The following GAN variants were observed in gnomAD, a reference collection of about 807,000 sequenced individuals.
GAN encodes the protein epididymis secretory sperm binding protein.
Under a neutral mutation model 71.3 loss-of-function variants are expected in GAN, and 48 were observed. That is an observed-to-expected ratio of 0.67 (90% CI 0.53 to 0.86). GAN has a LOEUF of 0.86. Ranked by LOEUF, GAN falls within the 40% of genes least tolerant of loss-of-function variation. The pLI is 0.00. For missense variants in GAN, 928 were observed against 770.1 expected (o/e 1.21, Z -2.43); for synonymous variants, 386 against 276.8 (o/e 1.39, Z -3.92).
rs533585440 is a variant in GAN, at chr16:81,324,906, G to C, written c.167+9626G>C. Among the ~76,000 whole-genome samples the C allele has an allele frequency of 4.1e-4, 62 of 152,338 alleles. No individual in the cohort carries two copies. In the South Asian group the frequency reaches 8.3e-3, roughly 20 times the overall value. On this transcript the variant is annotated intron_variant, in intron 1 of 10. Transcript: ENST00000648994. ...TTTCAGCAGGTGCTGCAGTTGTTCA[G>C]ATGGAAAGTGGGATGCCCTGGGCCA...
At chr16:81,346,424 G>A (rs1247731934) in intron 1 of GAN, among the ~76,000 whole-genome samples, 1 of 151,972 alleles carries the variant, frequency 6.6e-6, no homozygotes, top group Non-Finnish European at 1.5e-5. Flanking sequence ...GCCACACAGT[G>A]GGAGGTGAGG....
rs778653431 is a variant in GAN, at chr16:81,315,193, C to G, written c.80C>G (p.Ser27Cys). The change falls in exon 1 of 11, where the codon TCT becomes TGT. Residue 27 changes from serine to cysteine, a missense_variant. Physicochemically the swap from Ser to Cys is moderately radical, Grantham distance 112 (BLOSUM62 -1). Coordinates refer to ENST00000648994, the MANE Select transcript of GAN (RefSeq NM_022041.4). ...GCGCTCAGCTCTTTCCGCGAGGAGT[C>G]TCGCTTCTGCGACGCGCACCTGGTC... ...LRALSSFREE[S>C]RFCDAHLVLD... The G allele has an allele frequency of 1.8e-5, 29 of 1,576,974 alleles. No homozygotes were observed. The highest frequency in any genetic ancestry group is 5.4e-5 in the Admixed American group (3 of 55,830).
At position 81,384,693 on chromosome 16, in the gene GAN, G is replaced by A. The variant is rs1393002509; in HGVS notation, c.*7097G>A. ...GTTTCCTCAGTGCAGAGTTGAGGTT[G>A]GCAGAACTATATAGAGTTGGATGAT... On this transcript the variant is annotated 3_prime_UTR_variant, in exon 11 of 11. Coordinates refer to ENST00000648994, the MANE Select transcript of GAN (RefSeq NM_022041.4). 1 of 152,156 alleles carries A rather than the reference G, an allele frequency of 6.6e-6. No homozygotes were observed. The highest frequency in any genetic ancestry group is 1.5e-5 in the Non-Finnish European group (1 of 68,034). The allele number at this position is 152,156 out of a possible 1,614,324, so 9.4% of individuals were successfully genotyped here. A position where few individuals can be genotyped will look rare whatever the true frequency, so the allele number is the denominator to read the frequency against.
chr16:81,365,470 G>C lies in GAN; in HGVS notation c.1494G>C (p.Glu498Asp), dbSNP rs755423556. The C allele has an allele frequency of 1.9e-6, 3 of 1,613,452 alleles. No individual in the cohort carries two copies. Among genetic ancestry groups the C allele is most frequent in the Non-Finnish European group, 2.5e-6 (3 of 1,179,858 alleles). ...GCAAGTCCGAGTTCTACCATGATGA[G>C]TTTAAAAGGTAACTAAGAATGGTTT... ...VTCKSEFYHD[E>D]FKRWIYLNDQ... The change falls in exon 9 of 11, where the codon GAG becomes GAC. Residue 498 changes from glutamate to aspartate, a missense_variant. Transcript: ENST00000648994.
At chr16:81,345,578 G>A (rs1176714669) in intron 1 of GAN, among the ~76,000 whole-genome samples, 3 of 152,014 alleles carry the variant, frequency 2.0e-5, no homozygotes, top group East Asian at 1.9e-4. Flanking sequence ...GGGGAACATC[G>A]CACACTGGGG....
chr16:81,376,381 A>C (rs1183030313), intron 9 of GAN, among the ~76,000 whole-genome samples: 2 of 151,434 alleles, frequency 1.3e-5, no homozygotes, highest in African/African-American at 4.9e-5. Flanking sequence ...GCATTTTAGG[A>C]TGCTGAGGTG....
chr16:81,352,546 C>T lies in GAN; in HGVS notation c.282+849C>T, dbSNP rs554427582. The stretch of plus-strand genomic sequence containing the variant: ...CTGAGATCTTGTTCCCTACTCTCTC[C>T]TTTATTCTTTCTTTATCCCTCTTGT... On this transcript the variant is annotated intron_variant, in intron 2 of 10. Coordinates refer to ENST00000648994, the MANE Select transcript of GAN (RefSeq NM_022041.4). 1.7e-3 allele frequency among the ~76,000 whole-genome samples: 259 copies of T among 152,218 alleles called. 1 individual carries two copies. Among genetic ancestry groups the T allele is most frequent in the African/African-American group, 5.8e-3 (239 of 41,536 alleles).
At chr16:81,324,518 C>T (rs1246917482) in intron 1 of GAN, among the ~76,000 whole-genome samples, 1 of 152,104 alleles carries the variant, frequency 6.6e-6, no homozygotes, top group African/African-American at 2.4e-5. Flanking sequence ...GAACAGAACA[C>T]CACATACCTG....
Position 81,386,012 on chromosome 16 carries a change from A to G in GAN, c.*8416A>G, listed in dbSNP as rs1904390492. 6.6e-6 allele frequency: 1 copy of G among 152,112 alleles called. No homozygotes were observed. 9.4% of individuals were successfully genotyped at this position (152,112 alleles called of 1,614,324 possible). On this transcript the variant is annotated 3_prime_UTR_variant, in exon 11 of 11. Coordinates refer to ENST00000648994, the MANE Select transcript of GAN (RefSeq NM_022041.4). ...GCAATCCGCCTGCCTCAACCTCCCA[A>G]AGTGCTGGGATTACAGGTGTGAGCA... is the stretch of plus-strand genomic sequence containing the variant.
At chr16:81,355,802 A>G (rs995169443) in intron 3 of GAN, among the ~76,000 whole-genome samples, 2 of 152,198 alleles carry the variant, frequency 1.3e-5, no homozygotes, top group East Asian at 1.9e-4. Context: ...GTAAGTTAAA[A>G]CTGGACTGTT....
At chr16:81,355,135 C>T (rs757796790) in intron 3 of GAN, among the ~76,000 whole-genome samples, 1 of 152,182 alleles carries the variant, frequency 6.6e-6, no homozygotes, top group Non-Finnish European at 1.5e-5. Context: ...GTGCCTGCAG[C>T]AGGCAGGGGG....
intron 10 of GAN, 23 bp from the exon 11 acceptor site, chr16:81,377,392 C>G: frequency 6.2e-7 from 1 of 1,610,666 alleles, no homozygotes; most frequent in South Asian, 1.1e-5. Context: ...ATTTTCTCAC[C>G]CTTGCTTATT....
intron 9 of GAN, among the ~76,000 whole-genome samples, chr16:81,370,297 G>C (rs1910997991): frequency 6.6e-6 from 1 of 152,174 alleles, no homozygotes; most frequent in Non-Finnish European, 1.5e-5. Flanking sequence ...GCCTTTGTAA[G>C]ACGTGTGAAC....
At chr16:81,375,243 G>C (rs1265952576) in intron 9 of GAN, among the ~76,000 whole-genome samples, 1 of 144,576 alleles carries the variant, frequency 6.9e-6, no homozygotes, top group Non-Finnish European at 1.5e-5. Context: ...AGGATATAAA[G>C]AATCTGACAA....
At chr16:81,330,862 C>G (rs1166379968) in intron 1 of GAN, among the ~76,000 whole-genome samples, 1 of 152,172 alleles carries the variant, frequency 6.6e-6, no homozygotes, top group African/African-American at 2.4e-5. Flanking sequence ...CTGCCTGATA[C>G]GATATTTCCG....
intron 1 of GAN, among the ~76,000 whole-genome samples, chr16:81,318,911 A>C (rs959739619): frequency 1.3e-5 from 2 of 152,188 alleles, no homozygotes; most frequent in African/African-American, 4.8e-5. Flanking sequence ...CCCTCAGCTC[A>C]GTAAATGGCA....
chr16:81,377,623 C>T lies in GAN; in HGVS notation c.*27C>T. The T allele has an allele frequency of 6.2e-7, 1 of 1,601,096 alleles. No homozygotes were observed. The highest frequency in any genetic ancestry group is 1.1e-5 in the South Asian group (1 of 90,792). On this transcript the variant is annotated 3_prime_UTR_variant, in exon 11 of 11. Transcript: ENST00000648994. ...GAGGAAGCAGAGCAGAGTGCGAGAT[C>T]CTGACCCAAGAGCACCATAACATAG...
Position 81,365,109 on chromosome 16 carries a change from A to AG in GAN, c.1373+1dup, listed in dbSNP as rs1226812712. 6.2e-7 allele frequency: 1 copy of AG among 1,613,640 alleles called. No homozygotes were observed. Among genetic ancestry groups the AG allele is most frequent in the Admixed American group, 1.7e-5 (1 of 60,018 alleles). On this transcript the variant is annotated frameshift_variant and splice_region_variant, in exon 8 of 11. Coordinates refer to ENST00000648994, the MANE Select transcript of GAN (RefSeq NM_022041.4). LOFTEE classifies it high-confidence loss of function. Reference sequence around the variant, plus strand: ...TGCCATATGTCCACTAAAAGAGAGGAGGTACGTGGCTGTGGGGTGGACTTT... The same window carrying AG: ...TGCCATATGTCCACTAAAAGAGAGGAGGGTACGTGGCTGTGGGGTGGACTTT...
intron 2 of GAN, 90 bp downstream of exon 2, chr16:81,351,787 A>C (rs1182552323): frequency 1.3e-6 from 1 of 770,568 alleles, no homozygotes; most frequent in Admixed American, 1.7e-5. Flanking sequence ...ATGACAAAGT[A>C]GCACTGTCAT....
Sources: gnomAD v4.1 joint callset for allele counts (sites outside exome capture counted in the v4.1 genomes callset) on GRCh38, gnomAD v4.1.1 for gene constraint, MANE v1.5 for transcripts, NCBI Gene and HGNC (gene_info 2026-07-23, HGNC 2026-07-21) for gene names.